The following TBCEL variants were observed in gnomAD, a reference collection of about 807,000 sequenced individuals.
TBCEL encodes the protein tubulin-specific chaperone cofactor E-like protein.
Under a neutral mutation model 44.2 loss-of-function variants are expected in TBCEL, and 15 were observed. That is an observed-to-expected ratio of 0.34 (90% confidence interval 0.23 to 0.52). The LOEUF is 0.52. Ranked by LOEUF, TBCEL falls within the 20% of genes least tolerant of loss-of-function variation. The pLI is 0.95. For synonymous variants in TBCEL, 171 were observed against 185.4 expected (o/e 0.92, Z 0.63); for missense variants, 319 against 506.3 (o/e 0.63, Z 3.55).
chr11:121,059,392 C>G (rs967538848), intron 7 of TBCEL, among the ~76,000 whole-genome samples: 1 of 151,914 alleles, frequency 6.6e-6, no homozygotes, highest in Non-Finnish European at 1.5e-5. Context: ...TGACTACTCT[C>G]TAGACTGGGC....
intron 8 of TBCEL, among the ~76,000 whole-genome samples, chr11:121,082,186 A>G (rs1946137838): frequency 6.6e-6 from 1 of 152,222 alleles, no homozygotes; most frequent in Non-Finnish European, 1.5e-5. Context: ...GTCCTGTGGG[A>G]CAGAAGTCTG....
intron 1 of TBCEL, among the ~76,000 whole-genome samples, chr11:121,034,885 A>G (rs1274805112): frequency 1.3e-5 from 2 of 152,156 alleles, no homozygotes; most frequent in African/African-American, 2.4e-5. Flanking sequence ...TCTAAAGTAT[A>G]TATTGAGTAG....
chr11:121,087,089 C>A lies in TBCEL; in HGVS notation c.1268C>A (p.Thr423Lys), dbSNP rs1477443756. ...GATAAAATTTACGTGGAATCCAAAA[C>A]AAAATAACCTCTACCAGCCTTGTGA... Reference protein sequence around the residue: ...DGDKIYVESKTK With the variant: ...DGDKIYVESKKK The change falls in exon 9 of 9, where the codon ACA (threonine) becomes AAA (lysine). Residue 423 changes from threonine (T) to lysine (K), a missense_variant. By Grantham distance (78) the Thr-to-Lys change is moderately conservative. Transcript: ENST00000683345. 1.9e-6 allele frequency: 3 copies of A among 1,612,510 alleles called. No homozygotes were observed. The African/African-American group carries it at 4.0e-5, about 22-fold the overall frequency.
intron 2 of TBCEL, among the ~76,000 whole-genome samples, chr11:121,044,009 A>G (rs1276120737): frequency 1.3e-5 from 2 of 152,040 alleles, no homozygotes; most frequent in African/African-American, 4.8e-5. Context: ...TTGTTAGTTA[A>G]TGGTATCACC....
chr11:121,044,376 G>T (rs2134916628), intron 2 of TBCEL, among the ~76,000 whole-genome samples: 1 of 152,112 alleles, frequency 6.6e-6, no homozygotes, highest in South Asian at 2.1e-4. Flanking sequence ...TGGTATACAA[G>T]ATCTCCTCTG....
At chr11:121,076,470 G>A (rs575399411) in intron 8 of TBCEL, among the ~76,000 whole-genome samples, 7 of 152,002 alleles carry the variant, frequency 4.6e-5, no homozygotes, top group Non-Finnish European at 7.4e-5. Flanking sequence ...TTCAAATTCA[G>A]TTGTTCACTG....
At position 121,078,416 on chromosome 11, in the gene TBCEL, A is replaced by G. The variant is rs141203213; in HGVS notation, c.957-8362A>G. ...GCAGCTCCCCTAACTCCTGGTCCAGAACCAGCTCTTATAATGGAATTTGGA... is the reference window on the plus strand; with the variant it reads ...GCAGCTCCCCTAACTCCTGGTCCAGGACCAGCTCTTATAATGGAATTTGGA... On this transcript the variant is annotated intron_variant, in intron 8 of 8. Coordinates refer to ENST00000683345, the MANE Select transcript of TBCEL (RefSeq NM_001363644.2). Among the ~76,000 whole-genome samples, 185 of 152,304 alleles carry G rather than the reference A, an allele frequency of 1.2e-3. 1 individual carries two copies. Among genetic ancestry groups the G allele is most frequent in the African/African-American group, 4.3e-3 (178 of 41,572 alleles).
At position 121,063,992 on chromosome 11, in the gene TBCEL, A is replaced by G. The variant is rs112973284; in HGVS notation, c.956+3907A>G. 1.5e-3 allele frequency among the ~76,000 whole-genome samples: 229 copies of G among 152,270 alleles called. 1 individual carries two copies. The highest frequency in any genetic ancestry group is 4.8e-3 in the African/African-American group (199 of 41,546). On this transcript the variant is annotated intron_variant, in intron 8 of 8. Coordinates refer to ENST00000683345, the MANE Select transcript of TBCEL (RefSeq NM_001363644.2). ...TTCTCCTTGACAGTCAAGATTACTT[A>G]TCTTAGCTGACAAGCTCATTTTTAA...
intron 8 of TBCEL, among the ~76,000 whole-genome samples, chr11:121,081,713 A>G (rs112009624): frequency 1.3e-5 from 2 of 152,236 alleles, no homozygotes; most frequent in African/African-American, 4.8e-5. Flanking sequence ...TTGTAAAATC[A>G]TGATTTCTTA....
At chr11:121,055,423 C>G in intron 6 of TBCEL, 115 bp downstream of exon 6, 2 of 1,129,708 alleles carry the variant, frequency 1.8e-6, no homozygotes, top group East Asian at 2.8e-5. Context: ...AGTGAATTTT[C>G]TATATGACAT....
intron 8 of TBCEL, among the ~76,000 whole-genome samples, chr11:121,071,345 A>T (rs761071289): frequency 6.6e-6 from 1 of 152,204 alleles, no homozygotes; most frequent in Non-Finnish European, 1.5e-5. Flanking sequence ...TGGGAACTCA[A>T]TGATTTCTTT....
chr11:121,080,731 G>A (rs1204259706), intron 8 of TBCEL, among the ~76,000 whole-genome samples: 1 of 152,184 alleles, frequency 6.6e-6, no homozygotes, highest in Non-Finnish European at 1.5e-5. Flanking sequence ...TTCAAATAGT[G>A]TACCACATCT....
intron 4 of TBCEL, among the ~76,000 whole-genome samples, chr11:121,051,029 C>T (rs935101274): frequency 2.6e-5 from 4 of 151,602 alleles, no homozygotes; most frequent in Non-Finnish European, 4.4e-5. Flanking sequence ...TTATGTCTTC[C>T]TGAGTCTTAT....
At position 121,055,212 on chromosome 11, in the gene TBCEL, G is replaced by C. The variant is rs368110919; in HGVS notation, c.616G>C (p.Val206Leu). The C allele has an allele frequency of 6.2e-7, 1 of 1,612,060 alleles. No homozygotes were observed. The highest frequency in any genetic ancestry group is 8.5e-7 in the Non-Finnish European group (1 of 1,178,974). The change falls in exon 6 of 9, where the codon GTC (valine) becomes CTC (leucine). Residue 206 changes from valine to leucine, a missense_variant. By Grantham distance (32) the Val-to-Leu change is conservative (BLOSUM62 1). Transcript: ENST00000683345. ...GVMFPSLDTL[V>L]LANNHLNAIE... Reference sequence around the variant, plus strand: ...TATGTTTCCTTCACTGGATACCCTCGTCCTGGCCAACAATCATTTGAATGC... The same window carrying C: ...TATGTTTCCTTCACTGGATACCCTCCTCCTGGCCAACAATCATTTGAATGC...
intron 8 of TBCEL, among the ~76,000 whole-genome samples, chr11:121,073,583 C>CT (rs956237854): frequency 3.3e-5 from 5 of 151,544 alleles, no homozygotes; most frequent in African/African-American, 9.7e-5. Flanking sequence ...TTTTATACCT[C>CT]TTTTTTTTCT....
At chr11:121,066,264 G>T (rs1945818835) in intron 8 of TBCEL, among the ~76,000 whole-genome samples, 1 of 152,140 alleles carries the variant, frequency 6.6e-6, no homozygotes, top group Non-Finnish European at 1.5e-5. Flanking sequence ...TCTGTATCTT[G>T]TGAATAATCT....
intron 8 of TBCEL, among the ~76,000 whole-genome samples, chr11:121,082,218 G>A (rs1167504473): frequency 6.6e-6 from 1 of 152,244 alleles, no homozygotes; most frequent in Non-Finnish European, 1.5e-5. Flanking sequence ...ACTCAGCTGG[G>A]TTCTCTGCTT....
intron 8 of TBCEL, among the ~76,000 whole-genome samples, chr11:121,085,903 G>A (rs1946207973): frequency 6.6e-6 from 1 of 152,174 alleles, no homozygotes; most frequent in African/African-American, 2.4e-5. Context: ...GAAGTAGGGG[G>A]ATAATTTTAT....
intron 1 of TBCEL, among the ~76,000 whole-genome samples, chr11:121,034,106 G>C (rs986338803): frequency 5.9e-5 from 9 of 152,046 alleles, no homozygotes; most frequent in Middle Eastern, 6.8e-3. Flanking sequence ...TTTGATTCTT[G>C]GGTAGATACC....
Sources: allele counts gnomAD v4.1 joint callset (sites outside exome capture counted in the v4.1 genomes callset), GRCh38; gene constraint gnomAD v4.1.1; transcripts MANE v1.5; gene names NCBI Gene and HGNC (gene_info 2026-07-23, HGNC 2026-07-21).